The following VAPA variants were observed in gnomAD, a reference collection of about 807,000 sequenced individuals.
The protein encoded by VAPA is VAMP associated protein A.
Under a neutral mutation model 25.6 loss-of-function variants are expected in VAPA, and 6 were observed. That is an observed-to-expected ratio of 0.23 (90% CI 0.13 to 0.46). The LOEUF (loss-of-function observed/expected upper bound fraction) is 0.46, where lower values mean the gene tolerates loss of function less well. VAPA is among the 20% of genes least tolerant of loss of function. The pLI, the probability that VAPA is intolerant of heterozygous loss-of-function variation, is 0.99. For synonymous variants in VAPA, 112 were observed against 106.2 expected (o/e 1.05, Z -0.34); for missense variants, 244 against 302.1 (o/e 0.81, Z 1.43).
At chr18:9,944,375 A>C (rs29136) in intron 4 of VAPA, among the ~76,000 whole-genome samples, 5 of 152,186 alleles carry the variant, frequency 3.3e-5, no homozygotes, top group Admixed American at 2.6e-4. Flanking sequence ...TATTTTATCT[A>C]TTAAAGGAAT....
chr18:9,919,681 G>A (rs376839683), intron 1 of VAPA, among the ~76,000 whole-genome samples: 200 of 152,306 alleles, frequency 1.3e-3, no homozygotes, highest in African/African-American at 4.6e-3. Flanking sequence ...GAAAGAGGTC[G>A]GCGTGGCAGT....
At chr18:9,951,981 T>TG (rs1195511236) in intron 5 of VAPA, among the ~76,000 whole-genome samples, 7 of 152,220 alleles carry the variant, frequency 4.6e-5, no homozygotes, top group Non-Finnish European at 8.8e-5. Flanking sequence ...TTTTAAAGGA[T>TG]GTTGTTGGTT....
chr18:9,926,176 T>C lies in VAPA; in HGVS notation c.80-5634T>C. Among the ~76,000 whole-genome samples the C allele has an allele frequency of 1.3e-5, 2 of 152,172 alleles. 1 individual carries two copies. The highest frequency in any genetic ancestry group is 3.8e-4 in the East Asian group (2 of 5,206). ...ACGCTAGCTGTTCCGTTAGTAGATA[T>C]TCTGTGTACTATATAGTATTAATAT... On this transcript the variant is annotated intron_variant, in intron 1 of 5. Coordinates refer to ENST00000400000, the MANE Select transcript of VAPA (RefSeq NM_194434.3).
chr18:9,930,070 T>C (rs563585283), intron 1 of VAPA, among the ~76,000 whole-genome samples: 69 of 152,262 alleles, frequency 4.5e-4, no homozygotes, highest in Non-Finnish European at 3.1e-4. Flanking sequence ...CCCACAGTCA[T>C]TTTAAAAATC....
At chr18:9,943,018 G>C (rs2069382382) in intron 4 of VAPA, among the ~76,000 whole-genome samples, 2 of 152,244 alleles carry the variant, frequency 1.3e-5, no homozygotes, top group East Asian at 3.9e-4. Flanking sequence ...GTGTTTACAT[G>C]TTTGGAACAC....
chr18:9,939,377 A>C (rs2069343594), intron 4 of VAPA, among the ~76,000 whole-genome samples: 1 of 150,248 alleles, frequency 6.7e-6, no homozygotes. Context: ...TTGGTCTCAA[A>C]CTCCTGACCT....
chr18:9,930,700 A>T (rs609213), intron 1 of VAPA, among the ~76,000 whole-genome samples: 34,044 of 136,502 alleles, frequency 0.25, 4,434 homozygotes, highest in Middle Eastern at 0.33. Context: ...CTTTTTTTTT[A>T]AAAAAAAAAT....
intron 4 of VAPA, among the ~76,000 whole-genome samples, chr18:9,937,517 C>T (rs935861572): frequency 4.6e-5 from 7 of 151,928 alleles, no homozygotes; most frequent in African/African-American, 1.7e-4. Context: ...TAGTCAAATC[C>T]ATCTGATTGT....
chr18:9,936,250 G>A lies in VAPA; in HGVS notation c.336+37G>A, dbSNP rs762436103. ...AGAAGAATTTGTTTTGGGAAGTGGAGTTTAAACTGTGGGTGTTGTTTAGCA... is the reference window on the plus strand; with the variant it reads ...AGAAGAATTTGTTTTGGGAAGTGGAATTTAAACTGTGGGTGTTGTTTAGCA... On this transcript the variant is annotated intron_variant, in intron 3 of 5. Coordinates refer to ENST00000400000, the MANE Select transcript of VAPA (RefSeq NM_194434.3). 27 of 1,381,952 alleles carry A rather than the reference G, an allele frequency of 2.0e-5. No homozygotes were observed. The South Asian group carries it at 3.3e-4, about 17-fold the overall frequency. 85.6% of individuals were successfully genotyped at this position (1,381,952 alleles called of 1,614,324 possible).
In VAPA at chr18:9,959,114, CAA is replaced by C. The variant is rs1383394182; in HGVS notation, c.*4904_*4905del. ...CGGGTTTAGACAGGTTCAATTAGCT[CAA>C]GTCTACACAGCTGAAGTAGCAGAGA... On this transcript the variant is annotated 3_prime_UTR_variant, in exon 6 of 6. Transcript: ENST00000400000. 1 of 152,076 alleles carries C rather than the reference CAA, an allele frequency of 6.6e-6. No individual in the cohort carries two copies. The highest frequency in any genetic ancestry group is 1.5e-5 in the Non-Finnish European group (1 of 67,990). 9.4% of individuals were successfully genotyped at this position (152,076 alleles called of 1,614,324 possible). A position where few individuals can be genotyped will look rare whatever the true frequency, so the allele number is the denominator to read the frequency against.
At chr18:9,914,372 C>G (rs1263902839) in intron 1 of VAPA, 37 bp downstream of exon 1, 32 of 1,532,868 alleles carry the variant, frequency 2.1e-5, no homozygotes, top group Non-Finnish European at 2.6e-5. Flanking sequence ...TGGGGTGGGG[C>G]GCGCGGACCG....
chr18:9,924,279 T>C lies in VAPA; in HGVS notation c.80-7531T>C, dbSNP rs2069181839. On this transcript the variant is annotated intron_variant, in intron 1 of 5. Coordinates refer to ENST00000400000, the MANE Select transcript of VAPA (RefSeq NM_194434.3). ...GTCTAGAATCCAAAAACTTAAACTTTAGATGTGGACCGCTCGTTTCTATTT... is the reference window on the plus strand; with the variant it reads ...GTCTAGAATCCAAAAACTTAAACTTCAGATGTGGACCGCTCGTTTCTATTT... 3.3e-5 allele frequency among the ~76,000 whole-genome samples: 5 copies of C among 152,336 alleles called. No homozygotes were observed. In the South Asian group the frequency reaches 8.3e-4, roughly 25 times the overall value.
intron 1 of VAPA, among the ~76,000 whole-genome samples, chr18:9,931,399 G>A (rs1213902618): frequency 6.6e-6 from 1 of 152,178 alleles, no homozygotes; most frequent in Non-Finnish European, 1.5e-5. Context: ...ATAGGGTGTA[G>A]GGTCTTCAGA....
At chr18:9,923,631 T>C (rs2069175510) in intron 1 of VAPA, among the ~76,000 whole-genome samples, 1 of 151,346 alleles carries the variant, frequency 6.6e-6, no homozygotes, top group Non-Finnish European at 1.5e-5. Flanking sequence ...TCATACAGTG[T>C]TTCCTGTTTA....
At position 9,914,102 on chromosome 18, in the gene VAPA, C is replaced by T. The variant is rs2069087573; in HGVS notation, c.-155C>T. 1.7e-6 allele frequency: 1 copy of T among 580,392 alleles called. No homozygotes were observed. Among genetic ancestry groups the T allele is most frequent in the Admixed American group, 4.0e-5 (1 of 24,952 alleles). 36.0% of individuals were successfully genotyped at this position (580,392 alleles called of 1,614,324 possible). The stretch of plus-strand genomic sequence containing the variant: ...GGAGCTGCTGACCCAGCGGGTGGCC[C>T]ACCGAACCGGTGACACAGCGGCAGG... On this transcript the variant is annotated 5_prime_UTR_variant, in exon 1 of 6. Transcript: ENST00000400000.
At chr18:9,945,171 A>T in intron 4 of VAPA, 2 of 1,216,036 alleles carry the variant, frequency 1.6e-6, no homozygotes, top group Non-Finnish European at 1.2e-6. Flanking sequence ...AGTAGATAGA[A>T]TTGAACTATG....
chr18:9,936,065 A>G, intron 2 of VAPA, 45 bp from the exon 3 acceptor site: 6 of 1,368,580 alleles, frequency 4.4e-6, no homozygotes, highest in Non-Finnish European at 5.0e-6. Flanking sequence ...TATGTCTTTC[A>G]GACATGCAGG....
intron 5 of VAPA, among the ~76,000 whole-genome samples, chr18:9,953,505 A>C (rs565854409): frequency 6.6e-6 from 1 of 152,098 alleles, no homozygotes; most frequent in Non-Finnish European, 1.5e-5. Flanking sequence ...GTGATACCAT[A>C]TCTCTGTTTA....
intron 5 of VAPA, among the ~76,000 whole-genome samples, chr18:9,952,553 A>G (rs1165415410): frequency 1.4e-5 from 2 of 145,128 alleles, no homozygotes; most frequent in Non-Finnish European, 3.0e-5. Context: ...GTGACGAGCA[A>G]AACATCGTCT....
Sources: allele counts gnomAD v4.1 joint callset (sites outside exome capture counted in the v4.1 genomes callset), GRCh38; gene constraint gnomAD v4.1.1; transcripts MANE v1.5; gene names NCBI Gene and HGNC (gene_info 2026-07-23, HGNC 2026-07-21).